The following MAPK4 variants were observed in gnomAD, a reference collection of about 807,000 sequenced individuals.
MAPK4 encodes mitogen-activated protein kinase 4, also known as Erk3-related.
Under a neutral mutation model 47.7 loss-of-function variants are expected in MAPK4, and 22 were observed. That is an observed-to-expected ratio of 0.46 (90% CI 0.33 to 0.66). MAPK4 has a LOEUF of 0.66. Among genes scored for constraint, MAPK4 ranks in the 30% least tolerant of loss-of-function variants. The probability of loss-of-function intolerance (pLI) is 0.02; values close to 1 mark genes in which losing one functional copy is unlikely to be tolerated. For synonymous variants in MAPK4, 390 were observed against 365.7 expected (o/e 1.07, Z -0.76); for missense variants, 736 against 831.7 (o/e 0.88, Z 1.42).
At position 50,729,126 on chromosome 18, in the gene MAPK4, A is replaced by G. The variant is rs576040149; in HGVS notation, c.1068-32A>G. ...CTCCCGGAAGCTACCTGGCTTGGGC[A>G]TCCAATCACCGCTCTGTTTGTACCC... On this transcript the variant is annotated intron_variant, in intron 5 of 5. Transcript: ENST00000400384. The G allele has an allele frequency of 7.7e-5, 117 of 1,512,936 alleles. 1 individual carries two copies. The South Asian group carries it at 1.2e-3, about 16-fold the overall frequency. 93.7% of individuals were successfully genotyped at this position (1,512,936 alleles called of 1,614,324 possible).
intron 1 of MAPK4, among the ~76,000 whole-genome samples, chr18:50,576,527 C>G (rs2042298692): frequency 6.6e-6 from 1 of 152,172 alleles, no homozygotes; most frequent in Non-Finnish European, 1.5e-5. Flanking sequence ...AAAATCACCT[C>G]TCAGGTTCTA....
At chr18:50,633,659 A>G (rs145934646) in intron 1 of MAPK4, among the ~76,000 whole-genome samples, 1 of 152,330 alleles carries the variant, frequency 6.6e-6, no homozygotes, top group Non-Finnish European at 1.5e-5. Context: ...AGAAGCCTTA[A>G]GTGGCTTTGC....
At chr18:50,725,524 C>T (rs1911144370) in intron 4 of MAPK4, among the ~76,000 whole-genome samples, 1 of 152,214 alleles carries the variant, frequency 6.6e-6, no homozygotes, top group Non-Finnish European at 1.5e-5. Context: ...CAAGGGGAAC[C>T]ACCTCTGAGT....
chr18:50,659,172 A>G (rs560780059), intron 1 of MAPK4, among the ~76,000 whole-genome samples: 7 of 152,206 alleles, frequency 4.6e-5, no homozygotes, highest in Non-Finnish European at 8.8e-5. Context: ...AAGTTTGCCA[A>G]TGCCTGGTCT....
chr18:50,693,873 G>A (rs2144357733), intron 2 of MAPK4, among the ~76,000 whole-genome samples: 1 of 152,126 alleles, frequency 6.6e-6, no homozygotes, highest in Admixed American at 6.5e-5. Context: ...CAGGACTTCT[G>A]ACTTGAGGCT....
chr18:50,664,440 A>C lies in MAPK4; in HGVS notation c.482A>C (p.Asp161Ala), dbSNP rs770730467. 1 of 1,612,930 alleles carries C rather than the reference A, an allele frequency of 6.2e-7. No individual in the cohort carries two copies. The highest frequency in any genetic ancestry group is 8.5e-7 in the Non-Finnish European group (1 of 1,179,324). ...GCCAACATCTTCATCAGCACAGAGG[A>C]CCTCGTGCTCAAGATTGGGGATTTC... ...KPANIFISTE[D>A]LVLKIGDFGL... Residue 161 changes from aspartate to alanine, a missense_variant, in exon 2 of 6, where the codon GAC (aspartate) becomes GCC (alanine). Asp to Ala is a moderately radical substitution (Grantham distance 126). This residue lies in a region of MAPK4 where 327 missense variants were observed against 395.4 expected (regional missense o/e 0.83). Coordinates refer to ENST00000400384, the MANE Select transcript of MAPK4 (RefSeq NM_002747.4). The surrounding 1 kb of genome is among the most constrained non-coding windows in gnomAD (Gnocchi z 6.0).
intron 1 of MAPK4, among the ~76,000 whole-genome samples, chr18:50,590,736 G>A (rs2042429831): frequency 6.6e-6 from 1 of 152,218 alleles, no homozygotes; most frequent in African/African-American, 2.4e-5. Flanking sequence ...TGCAGAGACA[G>A]AGGGACAATG....
At chr18:50,707,290 G>A (rs1598936510) in intron 2 of MAPK4, among the ~76,000 whole-genome samples, 1 of 152,232 alleles carries the variant, frequency 6.6e-6, no homozygotes, top group East Asian at 1.9e-4. Flanking sequence ...TTCTTGGCTG[G>A]GTACAGTGGC....
chr18:50,575,614 C>T (rs113326545), intron 1 of MAPK4, among the ~76,000 whole-genome samples: 3,128 of 151,674 alleles, frequency 0.021, 105 homozygotes, highest in African/African-American at 0.071. Flanking sequence ...GCAATTGCAA[C>T]AAAAACAAAA....
At chr18:50,687,657 G>A (rs910524867) in intron 2 of MAPK4, among the ~76,000 whole-genome samples, 1 of 152,168 alleles carries the variant, frequency 6.6e-6, no homozygotes, top group Non-Finnish European at 1.5e-5. Context: ...ACCCGGGTCT[G>A]AAGTGCCCAC....
chr18:50,613,414 A>G (rs1375966613), intron 1 of MAPK4, among the ~76,000 whole-genome samples: 1 of 152,192 alleles, frequency 6.6e-6, no homozygotes, highest in Non-Finnish European at 1.5e-5. Context: ...GCCAGGAAAT[A>G]AATTCTGCCA....
chr18:50,585,535 C>T (rs1335011037), intron 1 of MAPK4, among the ~76,000 whole-genome samples: 2 of 152,144 alleles, frequency 1.3e-5, no homozygotes, highest in Non-Finnish European at 2.9e-5. Flanking sequence ...CATGCACCTG[C>T]AAGTCCCCCA....
At chr18:50,695,628 C>T (rs892138854) in intron 2 of MAPK4, among the ~76,000 whole-genome samples, 2 of 152,224 alleles carry the variant, frequency 1.3e-5, no homozygotes, top group South Asian at 2.1e-4. Flanking sequence ...CAGAAGGTGG[C>T]GGATGCCACG....
chr18:50,575,792 CA>C (rs540138636), intron 1 of MAPK4, among the ~76,000 whole-genome samples: 20,824 of 70,186 alleles, frequency 0.3, 1,154 homozygotes, highest in East Asian at 0.34. Flanking sequence ...AATCAACAAG[CA>C]AAAAAAAAAA....
chr18:50,616,563 T>C (rs2042686491), intron 1 of MAPK4, among the ~76,000 whole-genome samples: 1 of 152,182 alleles, frequency 6.6e-6, no homozygotes, highest in Admixed American at 6.5e-5. Flanking sequence ...ATAGACCATC[T>C]GCAGGCTAAG....
intron 1 of MAPK4, among the ~76,000 whole-genome samples, chr18:50,615,596 A>G (rs2042678110): frequency 6.6e-6 from 1 of 152,210 alleles, no homozygotes; most frequent in Non-Finnish European, 1.5e-5. Context: ...CAGCTGAGAG[A>G]TGGAGTTTTC....
intron 1 of MAPK4, among the ~76,000 whole-genome samples, chr18:50,640,382 CAAAAAAAA>C (rs34039185): frequency 7.8e-6 from 1 of 128,838 alleles, no homozygotes; most frequent in Non-Finnish European, 1.7e-5. Flanking sequence ...TTCTTGTTTA[CAAAAAAAA>C]AAAAAAAAAA....
intron 1 of MAPK4, among the ~76,000 whole-genome samples, chr18:50,606,694 A>ACAGTCTCTGT (rs1371802704): frequency 6.6e-6 from 1 of 152,212 alleles, no homozygotes; most frequent in Non-Finnish European, 1.5e-5. Context: ...TATGGGCCAT[A>ACAGTCTCTGT]CAGTCTCTTT....
At chr18:50,628,316 G>C (rs1266885224) in intron 1 of MAPK4, among the ~76,000 whole-genome samples, 4 of 152,158 alleles carry the variant, frequency 2.6e-5, no homozygotes, top group Admixed American at 2.6e-4. Context: ...ATCGCTTTAG[G>C]AGGCCAAGGG....
Sources: gnomAD v4.1 joint callset for allele counts (sites outside exome capture counted in the v4.1 genomes callset) on GRCh38, gnomAD v4.1.1 for gene constraint, gnomAD v4.1.1 regional missense constraint, Gnocchi (gnomAD v3.1) non-coding constraint, MANE v1.5 for transcripts, NCBI Gene and HGNC (gene_info 2026-07-23, HGNC 2026-07-21) for gene names.